SYK: variants seen among roughly 807,000 people sequenced by gnomAD.
SYK encodes spleen associated tyrosine kinase, also known as tyrosine-protein kinase SYK.
SYK carries 16 observed loss-of-function variants against 77.8 expected under a neutral mutation model. That is an observed-to-expected ratio of 0.21 (90% CI 0.14 to 0.31). SYK has a LOEUF of 0.31. SYK is among the 10% of genes least tolerant of loss of function. The pLI, the probability that SYK is intolerant of heterozygous loss-of-function variation, is 1.00. For synonymous variants in SYK, 312 were observed against 308.7 expected (o/e 1.01, Z -0.11); for missense variants, 529 against 814.4 (o/e 0.65, Z 4.26).
At chr9:90,885,027 ACCT>A (rs1432812853) in intron 11 of SYK, among the ~76,000 whole-genome samples, 3 of 149,974 alleles carry the variant, frequency 2.0e-5, no homozygotes, top group East Asian at 2.0e-4. Flanking sequence ...CAGGAAAAAG[ACCT>A]CCTCTACAAA....
intron 4 of SYK, 143 bp downstream of exon 4, chr9:90,862,487 A>G (rs952074194): frequency 1.0e-6 from 1 of 1,003,688 alleles, no homozygotes; most frequent in Non-Finnish European, 1.4e-6. Context: ...TCTGGAGCTC[A>G]TGAGAAACAC....
At chr9:90,865,830 T>TAC (rs757928581) in intron 6 of SYK, among the ~76,000 whole-genome samples, 18 of 150,638 alleles carry the variant, frequency 1.2e-4, no homozygotes, top group Non-Finnish European at 2.4e-4. Flanking sequence ...GGAAGTCAGG[T>TAC]ACAGATTTAT....
chr9:90,864,310 A>T (rs545135463), intron 4 of SYK, among the ~76,000 whole-genome samples: 27 of 152,342 alleles, frequency 1.8e-4, no homozygotes, highest in African/African-American at 6.5e-4. Context: ...TAAATAAATA[A>T]ACAAAGGACA....
In SYK at chr9:90,874,220, G is replaced by A. The variant is rs199612745; in HGVS notation, c.932G>A (p.Gly311Glu). 8 of 1,614,124 alleles carry A rather than the reference G, an allele frequency of 5.0e-6. No homozygotes were observed. The highest frequency in any genetic ancestry group is 6.8e-6 in the Non-Finnish European group (8 of 1,180,000). ...PGHRKSSPAQ[G>E]NRQESTVSFN... The stretch of plus-strand genomic sequence containing the variant: ...GTACTTTAGTCCTCCCCTGCCCAAG[G>A]GAACCGGCAAGAGAGTACTGTGTCA... Residue 311 changes from glycine (G) to glutamate (E), a missense_variant, in exon 8 of 14, where the codon GGG becomes GAG. Transcript: ENST00000375754.
intron 1 of SYK, among the ~76,000 whole-genome samples, chr9:90,809,524 T>G (rs1824992487): frequency 6.6e-6 from 1 of 152,202 alleles, no homozygotes; most frequent in Admixed American, 6.5e-5. Flanking sequence ...AGGCTCAGTG[T>G]CAGACATGCC....
At chr9:90,813,685 G>A (rs1284929114) in intron 1 of SYK, among the ~76,000 whole-genome samples, 2 of 152,142 alleles carry the variant, frequency 1.3e-5, no homozygotes, top group African/African-American at 2.4e-5. Flanking sequence ...GGTTGAGTGC[G>A]GGATGTCAAG....
chr9:90,814,548 C>G (rs1198953328), intron 1 of SYK, among the ~76,000 whole-genome samples: 1 of 152,098 alleles, frequency 6.6e-6, no homozygotes, highest in Non-Finnish European at 1.5e-5. Context: ...GCTCTCAGCC[C>G]ATCCCCTGAG....
At chr9:90,853,893 AAAAAAG>A (rs1032353383) in intron 3 of SYK, among the ~76,000 whole-genome samples, 3 of 152,076 alleles carry the variant, frequency 2.0e-5, no homozygotes, top group Admixed American at 2.0e-4. Flanking sequence ...AAAATAAAAT[AAAAAAG>A]AAAAAAAAGA....
intron 11 of SYK, among the ~76,000 whole-genome samples, chr9:90,882,122 A>G (rs1053295887): frequency 6.6e-6 from 1 of 152,248 alleles, no homozygotes; most frequent in African/African-American, 2.4e-5. Context: ...CTATTTATGC[A>G]TGTATCTAGG....
At chr9:90,804,243 T>C (rs1216604416) in intron 1 of SYK, among the ~76,000 whole-genome samples, 1 of 152,222 alleles carries the variant, frequency 6.6e-6, no homozygotes, top group Non-Finnish European at 1.5e-5. Flanking sequence ...AAAATAGAGG[T>C]ACTTCAAGTA....
chr9:90,869,624 A>G (rs528513422), intron 7 of SYK, among the ~76,000 whole-genome samples: 5 of 152,350 alleles, frequency 3.3e-5, no homozygotes, highest in African/African-American at 9.6e-5. Flanking sequence ...GAACTTGTTA[A>G]TTTGCTCAGT....
chr9:90,834,477 C>T (rs908159486), intron 1 of SYK, among the ~76,000 whole-genome samples: 4 of 152,188 alleles, frequency 2.6e-5, no homozygotes, highest in South Asian at 2.1e-4. Flanking sequence ...CCAGCGTTCC[C>T]GATTCTCACC....
chr9:90,827,538 C>T (rs199772310), intron 1 of SYK: 3 of 152,176 alleles, frequency 2.0e-5, no homozygotes, highest in South Asian at 4.1e-4. Context: ...TACTGCCCAG[C>T]GCCTGGGATT....
chr9:90,883,028 T>C (rs1164627233), intron 11 of SYK, among the ~76,000 whole-genome samples: 1 of 152,148 alleles, frequency 6.6e-6, no homozygotes, highest in Non-Finnish European at 1.5e-5. Context: ...GAACTCACGC[T>C]GAGTCCCACA....
intron 3 of SYK, among the ~76,000 whole-genome samples, chr9:90,846,793 C>G (rs568235012): frequency 6.6e-6 from 1 of 151,860 alleles, no homozygotes; most frequent in Non-Finnish European, 1.5e-5. Context: ...GCAGCCCCAG[C>G]CAGCAGCAGA....
intron 6 of SYK, 87 bp from the exon 7 acceptor site, chr9:90,867,044 A>C: frequency 6.7e-7 from 1 of 1,494,844 alleles, no homozygotes; most frequent in Admixed American, 1.7e-5. Flanking sequence ...CGATTATAGA[A>C]GCAAATTTAA....
rs528630692 is a variant in SYK at position 90,857,835 on chromosome 9, G to A, written c.579-4371G>A. ...ATCTGCCCAGCCCACCTTAGCCACA[G>A]TGAGCATTCATCCTTTGCACATCTA... On this transcript the variant is annotated intron_variant, in intron 3 of 13. Transcript: ENST00000375754. 1.7e-4 allele frequency among the ~76,000 whole-genome samples: 26 copies of A among 151,570 alleles called. 1 individual carries two copies. Among genetic ancestry groups the A allele is most frequent in the African/African-American group, 6.3e-4 (26 of 41,418 alleles).
At chr9:90,877,199 A>G (rs1373066468) in intron 9 of SYK, among the ~76,000 whole-genome samples, 1 of 152,038 alleles carries the variant, frequency 6.6e-6, no homozygotes, top group East Asian at 1.9e-4. Context: ...ACAGGCTTGC[A>G]CTGTCACACC....
chr9:90,895,621 G>A lies in SYK; in HGVS notation c.*21G>A, dbSNP rs746731466. 1 of 1,610,844 alleles carries A rather than the reference G, an allele frequency of 6.2e-7. No individual in the cohort carries two copies. The highest frequency in any genetic ancestry group is 1.1e-5 in the South Asian group (1 of 91,020). ...ACTAACCGCTCCCGCACCTGTCGGT[G>A]GCTGCCTTTGATCACAGGAGCAATC... On this transcript the variant is annotated 3_prime_UTR_variant, in exon 14 of 14. Coordinates refer to ENST00000375754, the MANE Select transcript of SYK (RefSeq NM_003177.7). The surrounding 1 kb of genome is among the most constrained non-coding windows in gnomAD (Gnocchi z 4.4).
Sources: allele counts gnomAD v4.1 joint callset (sites outside exome capture counted in the v4.1 genomes callset), GRCh38; gene constraint gnomAD v4.1.1; non-coding constraint Gnocchi (gnomAD v3.1); transcripts MANE v1.5; gene names NCBI Gene and HGNC (gene_info 2026-07-23, HGNC 2026-07-21).